Variants in PARD3 observed in about 807,000 individuals in gnomAD.
The protein encoded by PARD3 is par-3 family cell polarity regulator.
PARD3 carries 75 observed loss-of-function variants against 155.4 expected under a neutral mutation model. That is an observed-to-expected ratio of 0.48 (90% CI 0.40 to 0.58). PARD3 has a LOEUF of 0.58. PARD3 is among the 20% of genes least tolerant of loss of function. The pLI is 0.00. For synonymous variants in PARD3, 576 were observed against 610.5 expected, an observed-to-expected ratio of 0.94 and a Z score of 0.83; for missense variants, 1,642 against 1,721.7, an observed-to-expected ratio of 0.95 and a Z score of 0.82.
chr10:34,627,970 G>C (rs1406701666), intron 2 of PARD3, among the ~76,000 whole-genome samples: 1 of 152,114 alleles, frequency 6.6e-6, no homozygotes, highest in African/African-American at 2.4e-5. Context: ...TTGGTGGACA[G>C]AGTCTGCTTT....
chr10:34,116,036 A>G (rs1216829684), intron 24 of PARD3, among the ~76,000 whole-genome samples: 3 of 152,240 alleles, frequency 2.0e-5, no homozygotes, highest in Non-Finnish European at 4.4e-5. Flanking sequence ...AAAATAAATT[A>G]TTTTAGAAAA....
At chr10:34,390,797 G>A (rs1842804385) in intron 7 of PARD3, among the ~76,000 whole-genome samples, 1 of 152,140 alleles carries the variant, frequency 6.6e-6, no homozygotes, top group East Asian at 1.9e-4. Context: ...ATGAACAAAA[G>A]GGTATAACAA....
chr10:34,774,516 T>C (rs1366940421), intron 1 of PARD3, among the ~76,000 whole-genome samples: 3 of 152,152 alleles, frequency 2.0e-5, no homozygotes, highest in Admixed American at 6.5e-5. Context: ...AAGGAGATGT[T>C]GCATGAAAAA....
intron 2 of PARD3, chr10:34,675,669 TC>T: frequency 5.1e-6 from 1 of 197,310 alleles, no homozygotes; most frequent in Non-Finnish European, 1.1e-5. Context: ...TTCAATGACA[TC>T]CTTGGCCTGA....
At chr10:34,336,084 T>C in intron 18 of PARD3, 115 bp downstream of exon 18, 1 of 703,648 alleles carries the variant, frequency 1.4e-6, no homozygotes, top group Non-Finnish European at 2.4e-6. Context: ...AATGAAAACA[T>C]CTGCGTAAGA....
chr10:34,167,947 A>T (rs2133095011), intron 22 of PARD3, among the ~76,000 whole-genome samples: 1 of 152,334 alleles, frequency 6.6e-6, no homozygotes, highest in South Asian at 2.1e-4. Flanking sequence ...GAACAAAAAA[A>T]AGGGTGACCT....
At chr10:34,149,078 T>C (rs1948659146) in intron 22 of PARD3, among the ~76,000 whole-genome samples, 1 of 152,166 alleles carries the variant, frequency 6.6e-6, no homozygotes, top group African/African-American at 2.4e-5. Context: ...GATTTTAAAT[T>C]CTGAAAAGCT....
At chr10:34,248,104 T>A (rs1325374976) in intron 22 of PARD3, among the ~76,000 whole-genome samples, 1 of 152,196 alleles carries the variant, frequency 6.6e-6, no homozygotes, top group Non-Finnish European at 1.5e-5. Flanking sequence ...TAATCTGCAT[T>A]TTATCCCTTA....
intron 14 of PARD3, among the ~76,000 whole-genome samples, chr10:34,357,978 A>G (rs118168960): frequency 0.05 from 7,676 of 152,324 alleles, 231 homozygotes; most frequent in Admixed American, 0.084. Context: ...TTTATTAAAC[A>G]GAAGTTTAAA....
intron 20 of PARD3, among the ~76,000 whole-genome samples, chr10:34,305,325 A>G (rs1268128108): frequency 1.3e-5 from 2 of 152,196 alleles, no homozygotes; most frequent in Non-Finnish European, 2.9e-5. Context: ...GCGGTAGTGA[A>G]AGGGAAACCC....
intron 2 of PARD3, among the ~76,000 whole-genome samples, chr10:34,527,897 G>A (rs1488746559): frequency 6.6e-6 from 1 of 152,136 alleles, no homozygotes; most frequent in Admixed American, 6.5e-5. Flanking sequence ...TTCTACAAAG[G>A]AGAGATAACG....
intron 1 of PARD3, among the ~76,000 whole-genome samples, chr10:34,717,271 T>TG (rs2094535591): frequency 6.6e-6 from 1 of 152,238 alleles, no homozygotes; most frequent in East Asian, 1.9e-4. Flanking sequence ...ATGAGGGAGT[T>TG]GGATGGTCTC....
At chr10:34,422,287 A>G (rs2075355615) in intron 5 of PARD3, among the ~76,000 whole-genome samples, 1 of 152,194 alleles carries the variant, frequency 6.6e-6, no homozygotes, top group Non-Finnish European at 1.5e-5. Context: ...CTGACGTAAT[A>G]ATGCTAACGT....
chr10:34,402,092 G>A (rs1012181771), intron 5 of PARD3, among the ~76,000 whole-genome samples, 175 bp from the exon 6 acceptor site: 1 of 151,974 alleles, frequency 6.6e-6, no homozygotes, highest in Non-Finnish European at 1.5e-5. Context: ...AGCTAAAATT[G>A]AAAACAAGAG....
At chr10:34,328,102 G>C (rs1229116946) in intron 19 of PARD3, among the ~76,000 whole-genome samples, 1 of 152,212 alleles carries the variant, frequency 6.6e-6, no homozygotes, top group East Asian at 1.9e-4. Context: ...CGCGTCTTCA[G>C]TTTTATGTAA....
intron 2 of PARD3, among the ~76,000 whole-genome samples, chr10:34,573,736 AACAC>A (rs60211169): frequency 5.3e-4 from 21 of 39,538 alleles, no homozygotes; most frequent in African/African-American, 1.2e-3. Context: ...AACAAACAAA[AACAC>A]ACACACACAC....
At chr10:34,525,111 G>A (rs1253935415) in intron 2 of PARD3, among the ~76,000 whole-genome samples, 1 of 152,140 alleles carries the variant, frequency 6.6e-6, no homozygotes, top group Non-Finnish European at 1.5e-5. Flanking sequence ...AACTGGACGA[G>A]TAAGCAAAAG....
chr10:34,741,691 A>T (rs1234071417), intron 1 of PARD3, among the ~76,000 whole-genome samples: 2 of 152,170 alleles, frequency 1.3e-5, no homozygotes, highest in African/African-American at 4.8e-5. Context: ...TGCCACTGTG[A>T]TACCTGCTTC....
chr10:34,253,823 C>A (rs377109638), intron 22 of PARD3, among the ~76,000 whole-genome samples: 167 of 152,216 alleles, frequency 1.1e-3, no homozygotes, highest in African/African-American at 3.8e-3. Context: ...TAACTAGGTC[C>A]CCTGTCTGTC....
Sources: gnomAD v4.1 joint callset for allele counts (sites outside exome capture counted in the v4.1 genomes callset) on GRCh38, gnomAD v4.1.1 for gene constraint, MANE v1.5 for transcripts, NCBI Gene and HGNC (gene_info 2026-07-23, HGNC 2026-07-21) for gene names.